The following ADAMTS2 variants were observed in gnomAD, a reference collection of about 807,000 sequenced individuals.
ADAMTS2 encodes A disintegrin and metalloproteinase with thrombospondin motifs 2.
Under a neutral mutation model 123.0 loss-of-function variants are expected in ADAMTS2, and 50 were observed. That is an observed-to-expected ratio of 0.41 (90% CI 0.32 to 0.51). The LOEUF (loss-of-function observed/expected upper bound fraction) is 0.51, where lower values mean the gene tolerates loss of function less well. Among genes scored for constraint, ADAMTS2 ranks in the 20% least tolerant of loss-of-function variants. The pLI is 0.35. For synonymous variants in ADAMTS2, 678 were observed against 695.4 expected (o/e 0.98, Z 0.39); for missense variants, 1,494 against 1,705.2 (o/e 0.88, Z 2.18).
At chr5:179,182,229 A>G (rs775348547) in intron 4 of ADAMTS2, among the ~76,000 whole-genome samples, 21 of 152,228 alleles carry the variant, frequency 1.4e-4, no homozygotes, top group Non-Finnish European at 2.2e-4. Context: ...AGCCAGGCTA[A>G]GCAGCACCTG....
chr5:179,151,089 AT>A, intron 10 of ADAMTS2: 3 of 357,424 alleles, frequency 8.4e-6, no homozygotes, highest in Non-Finnish European at 1.2e-5. Context: ...TAGAGACGGG[AT>A]TTTGCCATGT....
intron 2 of ADAMTS2, among the ~76,000 whole-genome samples, chr5:179,328,190 G>A (rs963103585): frequency 2.6e-5 from 4 of 152,088 alleles, no homozygotes; most frequent in African/African-American, 9.7e-5. Flanking sequence ...GCACCACCAC[G>A]CCCGGCTAAT....
chr5:179,264,971 CA>C (rs1190847188), intron 3 of ADAMTS2, among the ~76,000 whole-genome samples: 1 of 145,082 alleles, frequency 6.9e-6, no homozygotes, highest in Non-Finnish European at 1.5e-5. Context: ...CCTGCACCAA[CA>C]GCAGCATGCC....
rs112260790 is a variant in ADAMTS2 at position 179,291,730 on chromosome 5, A to ATATTTATT, written c.535-18674_535-18667dup. ...TCCCTTCGCTATAAAGGTCCAAACG[A>ATATTTATT]TATTTATTTATTTATTTATTTATTT... On this transcript the variant is annotated intron_variant, in intron 2 of 21. Coordinates refer to ENST00000251582, the MANE Select transcript of ADAMTS2 (RefSeq NM_014244.5). 8.4e-3 allele frequency among the ~76,000 whole-genome samples: 1,274 copies of ATATTTATT among 151,538 alleles called. 20 individuals are homozygous for ATATTTATT. Among genetic ancestry groups the ATATTTATT allele is most frequent in the African/African-American group, 0.029 (1,197 of 41,096 alleles).
At chr5:179,214,499 T>C (rs457187) in intron 3 of ADAMTS2, among the ~76,000 whole-genome samples, 37,196 of 151,870 alleles carry the variant, frequency 0.24, 4,615 homozygotes, top group Admixed American at 0.27. Flanking sequence ...TTTAACCAAA[T>C]CCACAAGGAA....
intron 4 of ADAMTS2, among the ~76,000 whole-genome samples, chr5:179,198,496 C>A (rs1764482286): frequency 6.6e-6 from 1 of 152,192 alleles, no homozygotes; most frequent in African/African-American, 2.4e-5. Context: ...CAGACTCATC[C>A]CAGGGTTGCC....
chr5:179,220,686 C>T lies in ADAMTS2; in HGVS notation c.689-12971G>A, dbSNP rs1214838476. ...CGCTCTATGCCCTCTGTACTGCCCA[C>T]GCTCCTGACTCCAGCAGCATCTGCG... On this transcript the variant is annotated intron_variant, in intron 3 of 21. Transcript: ENST00000251582. 2.0e-5 allele frequency among the ~76,000 whole-genome samples: 3 copies of T among 152,188 alleles called. No homozygotes were observed. The South Asian group carries it at 6.2e-4, about 31-fold the overall frequency.
At chr5:179,276,284 AG>A (rs2113519856) in intron 2 of ADAMTS2, among the ~76,000 whole-genome samples, 1 of 152,236 alleles carries the variant, frequency 6.6e-6, no homozygotes, top group South Asian at 2.1e-4. Flanking sequence ...AGGAGTTGGG[AG>A]GGTCCAGCAC....
At position 179,158,226 on chromosome 5, in the gene ADAMTS2, A is replaced by G. The variant is rs1227915360; in HGVS notation, c.1132+497T>C. On this transcript the variant is annotated intron_variant, in intron 6 of 21. Coordinates refer to ENST00000251582, the MANE Select transcript of ADAMTS2 (RefSeq NM_014244.5). This position sits in a 1 kb window ranked among gnomAD's most constrained non-coding sequence, Gnocchi z 5.0. ...GTGATCTACCTGCCTCCGACTCCCA[A>G]AGTGCTGGGATTACAGGTGTGAACC... Among the ~76,000 whole-genome samples the G allele has an allele frequency of 3.3e-5, 5 of 152,170 alleles. No individual in the cohort carries two copies. Among genetic ancestry groups the G allele is most frequent in the African/African-American group, 1.2e-4 (5 of 41,522 alleles).
chr5:179,143,799 G>A (rs946586380), intron 10 of ADAMTS2, among the ~76,000 whole-genome samples: 8 of 151,996 alleles, frequency 5.3e-5, no homozygotes, highest in African/African-American at 1.4e-4. Flanking sequence ...TGATTTCATC[G>A]CCCATTTTTT....
At chr5:179,165,638 C>A (rs564379696) in intron 5 of ADAMTS2, among the ~76,000 whole-genome samples, 1 of 152,306 alleles carries the variant, frequency 6.6e-6, no homozygotes, top group South Asian at 2.1e-4. Flanking sequence ...GGGCACCCAG[C>A]CTCCAGAGCA....
chr5:179,118,609 A>T lies in ADAMTS2; in HGVS notation c.3178+3052T>A, dbSNP rs114071325. On this transcript the variant is annotated intron_variant, in intron 21 of 21. Transcript: ENST00000251582. The surrounding 1 kb of genome is among the most constrained non-coding windows in gnomAD (Gnocchi z 4.5). ...TTACACTTAAAATTTGTTTTAGAAG[A>T]CCTTATACTATTACCACTCATGGAA... Among the ~76,000 whole-genome samples the T allele has an allele frequency of 6.6e-6, 1 of 152,186 alleles. No individual in the cohort carries two copies. The highest frequency in any genetic ancestry group is 1.9e-4 in the East Asian group (1 of 5,204).
intron 3 of ADAMTS2, among the ~76,000 whole-genome samples, chr5:179,224,172 A>G (rs1206900502): frequency 6.6e-6 from 1 of 152,106 alleles, no homozygotes; most frequent in Non-Finnish European, 1.5e-5. Flanking sequence ...GGGCGGCGTG[A>G]GGTCAGCGGG....
intron 3 of ADAMTS2, among the ~76,000 whole-genome samples, chr5:179,253,316 G>A (rs1287439393): frequency 6.6e-6 from 1 of 152,018 alleles, no homozygotes; most frequent in Non-Finnish European, 1.5e-5. Flanking sequence ...TGGTTTTTCT[G>A]TCCTTTTTTC....
At position 179,189,649 on chromosome 5, in the gene ADAMTS2, G is replaced by C. The variant is rs568411526; in HGVS notation, c.892-8494C>G. Among the ~76,000 whole-genome samples, 1 of 149,778 alleles carries C rather than the reference G, an allele frequency of 6.7e-6. No individual in the cohort carries two copies. The highest frequency in any genetic ancestry group is 1.5e-5 in the Non-Finnish European group (1 of 67,564). ...TGGGATTACAGGCGTGAGCCACCGC[G>C]CCCGGCCAGGAGCAATTTTTTGTGG... On this transcript the variant is annotated intron_variant, in intron 4 of 21. Coordinates refer to ENST00000251582, the MANE Select transcript of ADAMTS2 (RefSeq NM_014244.5). The surrounding 1 kb of genome is among the most constrained non-coding windows in gnomAD (Gnocchi z 4.2).
intron 2 of ADAMTS2, among the ~76,000 whole-genome samples, chr5:179,326,719 C>T (rs1307871849): frequency 6.6e-6 from 1 of 152,078 alleles, no homozygotes; most frequent in Non-Finnish European, 1.5e-5. Flanking sequence ...CAGCTTTTAC[C>T]TTTCACAGAT....
In ADAMTS2 at chr5:179,256,643, G is replaced by T. The variant is rs1033033401; in HGVS notation, c.688+16268C>A. Among the ~76,000 whole-genome samples the T allele has an allele frequency of 4.0e-5, 6 of 150,236 alleles. No homozygotes were observed. The highest frequency in any genetic ancestry group is 1.5e-4 in the African/African-American group (6 of 39,760). ...CAGGCAGGCGGGGCCAGCATGAGTG[G>T]GGGGGCCAGGCACGAATCGGCAGGG... is the stretch of plus-strand genomic sequence containing the variant. On this transcript the variant is annotated intron_variant, in intron 3 of 21. Transcript: ENST00000251582. The surrounding 1 kb of genome is among the most constrained non-coding windows in gnomAD (Gnocchi z 4.1).
At position 179,280,980 on chromosome 5, in the gene ADAMTS2, C is replaced by A. The variant is rs143132402; in HGVS notation, c.535-7916G>T. 9.7e-4 allele frequency among the ~76,000 whole-genome samples: 148 copies of A among 152,284 alleles called. 2 individuals are homozygous for A. Among genetic ancestry groups the A allele is most frequent in the Admixed American group, 2.6e-3 (40 of 15,294 alleles). ...TTAAGCGATTCTCCTGCCTCAGCCT[C>A]CCAAGTAACTGGGATTACTGGTACA... On this transcript the variant is annotated intron_variant, in intron 2 of 21. Transcript: ENST00000251582.
At chr5:179,290,439 C>T (rs544886230) in intron 2 of ADAMTS2, among the ~76,000 whole-genome samples, 4 of 152,222 alleles carry the variant, frequency 2.6e-5, no homozygotes, top group Non-Finnish European at 5.9e-5. Context: ...TATAAATTAC[C>T]CAGTCTCAGG....
Sources: allele counts gnomAD v4.1 joint callset (sites outside exome capture counted in the v4.1 genomes callset), GRCh38; gene constraint gnomAD v4.1.1; non-coding constraint Gnocchi (gnomAD v3.1); transcripts MANE v1.5; gene names NCBI Gene and HGNC (gene_info 2026-07-23, HGNC 2026-07-21).